TNFAIP8: variants seen among roughly 807,000 people sequenced by gnomAD.
The protein encoded by TNFAIP8 is tumor necrosis factor alpha-induced protein 8.
In TNFAIP8, 7 loss-of-function variants were observed where a neutral mutation model predicts 13.3. The observed-to-expected ratio is 0.52, with a 90% CI of 0.30 to 0.99. TNFAIP8 has a LOEUF of 0.99. TNFAIP8 is among the 50% of genes least tolerant of loss of function. TNFAIP8 has a pLI of 0.07. For synonymous variants in TNFAIP8, 94 were observed against 87.6 expected, an observed-to-expected ratio of 1.07 and a Z score of -0.41; for missense variants, 258 against 236.9, an observed-to-expected ratio of 1.09 and a Z score of -0.58.
At chr5:119,303,911 G>A (rs1027922095) in intron 1 of TNFAIP8, among the ~76,000 whole-genome samples, 6 of 152,066 alleles carry the variant, frequency 3.9e-5, no homozygotes, top group Admixed American at 6.5e-5. Context: ...AAACATACCC[G>A]GTAAGTGAGT....
At chr5:119,311,794 G>T (rs1291968927) in intron 1 of TNFAIP8, among the ~76,000 whole-genome samples, 11 of 152,034 alleles carry the variant, frequency 7.2e-5, no homozygotes. Flanking sequence ...TGCTGATGAA[G>T]GGACATTGTG....
In TNFAIP8 at chr5:119,373,933, C is replaced by G. The variant is rs545258520; in HGVS notation, c.31+17812C>G. Among the ~76,000 whole-genome samples, 5 of 152,268 alleles carry G rather than the reference C, an allele frequency of 3.3e-5. No individual in the cohort carries two copies. In the South Asian group the frequency reaches 1.0e-3, roughly 32 times the overall value. On this transcript the variant is annotated intron_variant, in intron 1 of 1. Coordinates refer to ENST00000504771, the MANE Select transcript of TNFAIP8 (RefSeq NM_014350.4). ...GGGATTCATAGCCTTTGGCAGGCAA[C>G]AATATCTGGCTAGAAACTAATAGTA...
intron 1 of TNFAIP8, among the ~76,000 whole-genome samples, chr5:119,291,144 A>G (rs1748974738): frequency 1.3e-5 from 2 of 152,202 alleles, no homozygotes; most frequent in Admixed American, 1.3e-4. Flanking sequence ...ACTTTTGCCC[A>G]TGTCCCTTGA....
At chr5:119,339,693 C>T (rs902283268) in intron 1 of TNFAIP8, among the ~76,000 whole-genome samples, 7 of 151,964 alleles carry the variant, frequency 4.6e-5, no homozygotes, top group African/African-American at 1.7e-4. Flanking sequence ...GTAAGTTGAA[C>T]AATGAGAATA....
intron 1 of TNFAIP8, among the ~76,000 whole-genome samples, chr5:119,274,827 A>G (rs762784299): frequency 8.5e-5 from 13 of 152,154 alleles, no homozygotes; most frequent in Non-Finnish European, 1.9e-4. Flanking sequence ...GAACTTATCC[A>G]ATGTGCTGTA....
rs573110917 is a variant in TNFAIP8, at chr5:119,295,448, G to A, written c.1+26541G>A. ...AAAGATCAGATAGTTGTAGATATGC[G>A]GCGTTATTTCTGAGGGCTCTGTTCT... On this transcript the variant is annotated intron_variant, in intron 1 of 1. Transcript: ENST00000274456. Among the ~76,000 whole-genome samples the A allele has an allele frequency of 2.0e-3, 307 of 151,670 alleles. 3 individuals are homozygous for A. Among genetic ancestry groups the A allele is most frequent in the African/African-American group, 6.8e-3 (282 of 41,370 alleles).
At chr5:119,322,694 C>T (rs185433941) in intron 1 of TNFAIP8, among the ~76,000 whole-genome samples, 1 of 152,328 alleles carries the variant, frequency 6.6e-6, no homozygotes, top group East Asian at 1.9e-4. Context: ...GCTTCTTCCT[C>T]TTTGTCCAAT....
In TNFAIP8 at chr5:119,386,446, C is replaced by T. The variant is rs569551508; in HGVS notation, c.32-6370C>T. On this transcript the variant is annotated intron_variant, in intron 1 of 1. Coordinates refer to ENST00000504771, the MANE Select transcript of TNFAIP8 (RefSeq NM_014350.4). Reference sequence around the variant, plus strand: ...ATTTACAGAGTATAAAATAGCTAAGCGAAGGACAATAAAGGGAATCTGGAA... The same window carrying T: ...ATTTACAGAGTATAAAATAGCTAAGTGAAGGACAATAAAGGGAATCTGGAA... Among the ~76,000 whole-genome samples, 19 of 152,206 alleles carry T rather than the reference C, an allele frequency of 1.2e-4. No individual in the cohort carries two copies. The South Asian group carries it at 3.5e-3, about 28-fold the overall frequency.
rs1554184030 is a variant in TNFAIP8, at chr5:119,393,806, TC to T, written c.*426del. The T allele has an allele frequency of 6.3e-6, 1 of 158,850 alleles. No homozygotes were observed. Among genetic ancestry groups the T allele is most frequent in the Non-Finnish European group, 1.4e-5 (1 of 71,672 alleles). The allele number at this position is 158,850 out of a possible 1,614,324, so 9.8% of individuals were successfully genotyped here. A position where few individuals can be genotyped will look rare whatever the true frequency, so the allele number is the denominator to read the frequency against. On this transcript the variant is annotated 3_prime_UTR_variant, in exon 2 of 2. Transcript: ENST00000504771. ...ACTTTTCTTAAAATGCCAAGAACTT[TC>T]TCTTGCTATCATTGCTCCTTTTGAA...
chr5:119,294,785 T>C (rs1333832915), intron 1 of TNFAIP8, among the ~76,000 whole-genome samples: 2 of 152,198 alleles, frequency 1.3e-5, no homozygotes, highest in Non-Finnish European at 2.9e-5. Flanking sequence ...GTTTCTCTGA[T>C]GGCCAGTGAT....
chr5:119,377,951 G>A (rs1318404589), intron 1 of TNFAIP8, among the ~76,000 whole-genome samples: 2 of 152,100 alleles, frequency 1.3e-5, no homozygotes, highest in African/African-American at 4.8e-5. Context: ...GGCCAGGAGG[G>A]ATGTGGTAAG....
intron 1 of TNFAIP8, among the ~76,000 whole-genome samples, chr5:119,376,980 A>G (rs1562028440): frequency 6.6e-6 from 1 of 152,144 alleles, no homozygotes; most frequent in Non-Finnish European, 1.5e-5. Context: ...TTTTTCTTTT[A>G]GCCTATATTG....
intron 1 of TNFAIP8, among the ~76,000 whole-genome samples, chr5:119,326,769 A>C (rs1045547187): frequency 6.6e-6 from 1 of 152,004 alleles, no homozygotes; most frequent in Non-Finnish European, 1.5e-5. Context: ...AAAGCAGAGG[A>C]GTGTTTTGAA....
chr5:119,356,022 G>C lies in TNFAIP8; in HGVS notation c.-69G>C. On this transcript the variant is annotated 5_prime_UTR_variant, in exon 1 of 2. Transcript: ENST00000504771. ...TCCGTCGTGTGCGGATTTCGCTGCA[G>C]AGCGAACTTGCGGCTCGTCCGAGTA... 1.3e-6 allele frequency: 2 copies of C among 1,545,736 alleles called. No homozygotes were observed. Among genetic ancestry groups the C allele is most frequent in the Non-Finnish European group, 8.8e-7 (1 of 1,141,278 alleles).
At chr5:119,355,352 C>G (rs986522079), upstream of TNFAIP8, 4 of 702,366 alleles carry the variant, frequency 5.7e-6, no homozygotes, top group South Asian at 5.9e-5. Flanking sequence ...CGGGGCTATA[C>G]TGAATGAGTA....
chr5:119,306,318 C>CTTTTTTTTTTTTTTT (rs770923933), intron 1 of TNFAIP8: 1 of 121,758 alleles, frequency 8.2e-6, no homozygotes, highest in African/African-American at 4.2e-5. Context: ...TTCTTTCTTT[C>CTTTTTTTTTTTTTTT]TTTTTCTTTT....
chr5:119,330,686 T>C (rs889218390), intron 1 of TNFAIP8, among the ~76,000 whole-genome samples: 5 of 152,154 alleles, frequency 3.3e-5, no homozygotes, highest in African/African-American at 9.7e-5. Context: ...AGTCTCTTGC[T>C]CTGAGATGCC....
intron 1 of TNFAIP8, among the ~76,000 whole-genome samples, chr5:119,343,272 C>T (rs1043424249): frequency 6.6e-6 from 1 of 152,186 alleles, no homozygotes; most frequent in Non-Finnish European, 1.5e-5. Context: ...GAAGGAAGTG[C>T]GTCCATTCTG....
chr5:119,312,919 G>C (rs191992021), intron 1 of TNFAIP8, among the ~76,000 whole-genome samples: 1 of 152,210 alleles, frequency 6.6e-6, no homozygotes, highest in Admixed American at 6.5e-5. Flanking sequence ...ATTTTTAAAA[G>C]GGAAAATGAA....
Sources: allele counts gnomAD v4.1 joint callset (sites outside exome capture counted in the v4.1 genomes callset), GRCh38; gene constraint gnomAD v4.1.1; transcripts MANE v1.5; gene names NCBI Gene and HGNC (gene_info 2026-07-23, HGNC 2026-07-21).